NRXN3: variants seen among roughly 807,000 people sequenced by gnomAD.
The protein encoded by NRXN3 is neurexin III.
In NRXN3, 32 loss-of-function variants were observed where a neutral mutation model predicts 137.6. The ratio of observed to expected loss-of-function variants is 0.23; its 90% CI spans 0.18 to 0.31. The LOEUF (loss-of-function observed/expected upper bound fraction) is 0.31. Among genes scored for constraint, NRXN3 ranks in the 10% least tolerant of loss-of-function variants. NRXN3 has a pLI of 1.00. For synonymous variants in NRXN3, 798 were observed against 784.5 expected, an observed-to-expected ratio of 1.02 and a Z score of -0.29; for missense variants, 1,574 against 2,062.5, an observed-to-expected ratio of 0.76 and a Z score of 4.59.
intron 15 of NRXN3, among the ~76,000 whole-genome samples, chr14:79,424,787 C>A (rs1332684738): frequency 1.3e-5 from 2 of 152,108 alleles, no homozygotes; most frequent in Non-Finnish European, 2.9e-5. Context: ...CTCCTCCCTC[C>A]CCCCAATATT....
chr14:78,712,646 C>G (rs2098414714), intron 7 of NRXN3, among the ~76,000 whole-genome samples: 1 of 152,170 alleles, frequency 6.6e-6, no homozygotes, highest in African/African-American at 2.4e-5. Context: ...CTCTGCAATC[C>G]CCACCTCCCG....
At chr14:78,224,750 C>CT (rs35800837) in intron 1 of NRXN3, among the ~76,000 whole-genome samples, 28,895 of 64,266 alleles carry the variant, frequency 0.45, 12,517 homozygotes, top group Non-Finnish European at 0.46. Context: ...GTGCATGTGT[C>CT]TTTTTTTTTT....
chr14:78,738,428 T>G (rs146125078), intron 8 of NRXN3, among the ~76,000 whole-genome samples: 1 of 152,128 alleles, frequency 6.6e-6, no homozygotes, highest in African/African-American at 2.4e-5. Flanking sequence ...TCAGCTGATA[T>G]GAAAGCTTTA....
At chr14:78,459,520 C>G (rs2094854946) in intron 4 of NRXN3, among the ~76,000 whole-genome samples, 1 of 152,052 alleles carries the variant, frequency 6.6e-6, no homozygotes, top group Admixed American at 6.5e-5. Flanking sequence ...AGGATTCTGC[C>G]CTTTCTCCCC....
chr14:79,158,407 TA>T (rs1382706174), intron 15 of NRXN3, among the ~76,000 whole-genome samples: 2 of 151,866 alleles, frequency 1.3e-5, no homozygotes, highest in East Asian at 3.9e-4. Flanking sequence ...AACTCATAAA[TA>T]CCTACTATTA....
rs573203335 is a variant in NRXN3 at position 79,098,892 on chromosome 14, C to T, written c.3262+110751C>T. 7.6e-4 allele frequency among the ~76,000 whole-genome samples: 116 copies of T among 152,284 alleles called. 1 individual carries two copies. Among genetic ancestry groups the T allele is most frequent in the African/African-American group, 1.8e-3 (73 of 41,564 alleles). On this transcript the variant is annotated intron_variant, in intron 15 of 20. Transcript: ENST00000335750. ...TTTTTCAGGGAGGAAATTTTTCAGA[C>T]GCTTCCTATCCCACCCAACCTCCAG...
intron 4 of NRXN3, among the ~76,000 whole-genome samples, chr14:78,558,107 G>A (rs911630212): frequency 9.9e-5 from 15 of 152,236 alleles, no homozygotes; most frequent in South Asian, 6.2e-4. Flanking sequence ...CAGAGTTTGG[G>A]ACCTTCACAA....
chr14:79,443,044 A>C (rs548443196), intron 15 of NRXN3, among the ~76,000 whole-genome samples: 1 of 152,346 alleles, frequency 6.6e-6, no homozygotes, highest in East Asian at 1.9e-4. Context: ...AAGGGTACAC[A>C]GACAACTTGG....
chr14:79,105,228 T>C (rs1315561547), intron 15 of NRXN3, among the ~76,000 whole-genome samples: 1 of 152,114 alleles, frequency 6.6e-6, no homozygotes, highest in Admixed American at 6.6e-5. Context: ...ATCAATAGTA[T>C]CGTTTTCATT....
rs1227704033 is a variant in NRXN3 at position 78,454,458 on chromosome 14, C to T, written c.757+156598C>T. On this transcript the variant is annotated intron_variant, in intron 4 of 20. Coordinates refer to ENST00000335750, the MANE Select transcript of NRXN3 (RefSeq NM_001330195.2). ...TTTTCAAATATACCCATCATCAGGGCCCCAGTCCACACTAATAAAGTTGGA... is the reference window on the plus strand; with the variant it reads ...TTTTCAAATATACCCATCATCAGGGTCCCAGTCCACACTAATAAAGTTGGA... Among the ~76,000 whole-genome samples, 4 of 152,146 alleles carry T rather than the reference C, an allele frequency of 2.6e-5. No individual in the cohort carries two copies. The East Asian group carries it at 5.8e-4, about 22-fold the overall frequency.
intron 16 of NRXN3, among the ~76,000 whole-genome samples, chr14:79,653,447 A>T (rs2098486724): frequency 6.6e-6 from 1 of 152,220 alleles, no homozygotes; most frequent in African/African-American, 2.4e-5. Flanking sequence ...CATTTTCCAA[A>T]CGAAATGTGA....
intron 17 of NRXN3, among the ~76,000 whole-genome samples, chr14:79,689,259 A>C (rs2098707119): frequency 6.6e-6 from 1 of 152,122 alleles, no homozygotes; most frequent in African/African-American, 2.4e-5. Flanking sequence ...ATGTAGGTGA[A>C]TTTGGTGAGG....
chr14:79,702,719 C>T (rs2098759502), intron 19 of NRXN3, among the ~76,000 whole-genome samples: 1 of 151,936 alleles, frequency 6.6e-6, no homozygotes, highest in African/African-American at 2.4e-5. Flanking sequence ...TACCTTACTA[C>T]CAGGAATGCC....
intron 19 of NRXN3, among the ~76,000 whole-genome samples, chr14:79,773,830 C>CAAAAAAAAAAA (rs548801820): frequency 7.9e-6 from 1 of 126,770 alleles, no homozygotes. Flanking sequence ...AATAAAAATA[C>CAAAAAAAAAAA]AAAAAAAAAA....
chr14:79,125,081 A>G (rs2056161381), intron 15 of NRXN3, among the ~76,000 whole-genome samples: 1 of 152,204 alleles, frequency 6.6e-6, no homozygotes, highest in Non-Finnish European at 1.5e-5. Context: ...TTTGGTGATC[A>G]GCATTTAAAT....
chr14:78,925,824 A>G (rs931250177), intron 10 of NRXN3, among the ~76,000 whole-genome samples: 1 of 152,158 alleles, frequency 6.6e-6, no homozygotes, highest in African/African-American at 2.4e-5. Flanking sequence ...TCCCTTTCCT[A>G]GCTGTGTGAC....
At chr14:78,689,824 TTCTCTC>T (rs143870046) in intron 6 of NRXN3, among the ~76,000 whole-genome samples, 2 of 146,810 alleles carry the variant, frequency 1.4e-5, no homozygotes, top group African/African-American at 5.0e-5. Context: ...CTCACTCTCT[TTCTCTC>T]TCTCTCTCTC....
intron 9 of NRXN3, among the ~76,000 whole-genome samples, chr14:78,805,174 T>C (rs932724787): frequency 2.0e-5 from 3 of 152,158 alleles, no homozygotes; most frequent in Admixed American, 1.3e-4. Flanking sequence ...CTTTTTTTTT[T>C]CTTCTAGTTT....
intron 4 of NRXN3, among the ~76,000 whole-genome samples, chr14:78,412,913 G>A (rs1197438768): frequency 1.3e-5 from 2 of 152,182 alleles, no homozygotes; most frequent in Non-Finnish European, 2.9e-5. Context: ...GTCATAGGAA[G>A]TCTCTCATTT....
Sources: allele counts gnomAD v4.1 joint callset (sites outside exome capture counted in the v4.1 genomes callset), GRCh38; gene constraint gnomAD v4.1.1; transcripts MANE v1.5; gene names NCBI Gene and HGNC (gene_info 2026-07-23, HGNC 2026-07-21).